The following CHST8 variants were observed in gnomAD, a reference collection of about 807,000 sequenced individuals.
CHST8 encodes the protein carbohydrate sulfotransferase 8, also known as GALNAC-4-ST1.
Under a neutral mutation model 15.0 loss-of-function variants are expected in CHST8, and 10 were observed. That is an observed-to-expected ratio of 0.67 (90% CI 0.41 to 1.13). CHST8 has a LOEUF of 1.13. Ranked by LOEUF, CHST8 falls within the 50% of genes most tolerant of loss-of-function variation. CHST8 has a pLI of 0.00. For missense variants in CHST8, 634 were observed against 608.2 expected (o/e 1.04, Z -0.45); for synonymous variants, 259 against 256.6 (o/e 1.01, Z -0.09).
chr19:33,668,176 G>T (rs1008999612), intron 2 of CHST8, among the ~76,000 whole-genome samples: 1 of 152,184 alleles, frequency 6.6e-6, no homozygotes, highest in African/African-American at 2.4e-5. Context: ...GTCTGCTATT[G>T]TATTTATTTG....
At chr19:33,708,689 C>T (rs1973490856) in intron 3 of CHST8, among the ~76,000 whole-genome samples, 1 of 152,134 alleles carries the variant, frequency 6.6e-6, no homozygotes, top group South Asian at 2.1e-4. Context: ...TTTTTCAAAA[C>T]CATTTTGGGT....
At chr19:33,729,296 C>T (rs997441034) in intron 3 of CHST8, among the ~76,000 whole-genome samples, 2 of 152,210 alleles carry the variant, frequency 1.3e-5, no homozygotes, top group Non-Finnish European at 2.9e-5. Flanking sequence ...GGATTGAGTC[C>T]GTCTCAGGCT....
At position 33,664,921 on chromosome 19, in the gene CHST8, A is replaced by T. The variant is rs542418773; in HGVS notation, c.-163-2846A>T. Among the ~76,000 whole-genome samples the T allele has an allele frequency of 2.3e-4, 35 of 152,324 alleles. No individual in the cohort carries two copies. In the South Asian group the frequency reaches 3.9e-3, roughly 17 times the overall value. ...AGTTCCATCCATGTTGCTGCAAATAACAAGATTTCATTCTTTTTAATGGCT... is the reference window on the plus strand; with the variant it reads ...AGTTCCATCCATGTTGCTGCAAATATCAAGATTTCATTCTTTTTAATGGCT... On this transcript the variant is annotated intron_variant, in intron 1 of 4. Coordinates refer to ENST00000650847, the MANE Select transcript of CHST8 (RefSeq NM_001127895.2).
intron 3 of CHST8, among the ~76,000 whole-genome samples, chr19:33,764,789 T>C (rs1974799685): frequency 6.6e-6 from 1 of 152,148 alleles, no homozygotes; most frequent in Admixed American, 6.5e-5. Context: ...GATGTACCCA[T>C]AACTGGAGCA....
intron 3 of CHST8, among the ~76,000 whole-genome samples, chr19:33,757,466 GAAAGAAAGAAAGAAAGAAAGAAA>G (rs1974591561): frequency 2.5e-5 from 1 of 39,648 alleles, no homozygotes; most frequent in Non-Finnish European, 5.1e-5. Context: ...AAGAAAGAAA[GAAAGAAAGAAAGAAAGAAAGAAA>G]GAAAGAAAGA....
At chr19:33,771,819 G>T in intron 4 of CHST8, 138 bp from the exon 5 acceptor site, 1 of 1,027,060 alleles carries the variant, frequency 9.7e-7, no homozygotes, top group African/African-American at 1.6e-5. Context: ...AGACCGGAGG[G>T]GTCTCACCTA....
At chr19:33,677,350 G>C (rs970269283) in intron 2 of CHST8, among the ~76,000 whole-genome samples, 2 of 152,204 alleles carry the variant, frequency 1.3e-5, no homozygotes, top group Non-Finnish European at 1.5e-5. Flanking sequence ...GAGGTTGAGC[G>C]ATGAGGGCAT....
intron 3 of CHST8, among the ~76,000 whole-genome samples, chr19:33,722,683 T>A (rs1333897061): frequency 6.6e-6 from 1 of 152,080 alleles, no homozygotes; most frequent in Non-Finnish European, 1.5e-5. Context: ...TGAATGGAGA[T>A]GAGGTTTCTG....
At chr19:33,671,025 A>T (rs1972729976) in intron 2 of CHST8, among the ~76,000 whole-genome samples, 1 of 152,198 alleles carries the variant, frequency 6.6e-6, no homozygotes, top group Admixed American at 6.5e-5. Context: ...TCCTTCTCCC[A>T]GTCATCACTG....
chr19:33,627,611 T>G (rs1252299583), intron 1 of CHST8, among the ~76,000 whole-genome samples: 1 of 152,194 alleles, frequency 6.6e-6, no homozygotes, highest in African/African-American at 2.4e-5. Context: ...TGCTGGTGAC[T>G]GAGGGCAAGA....
intron 3 of CHST8, among the ~76,000 whole-genome samples, chr19:33,706,135 T>G (rs538276860): frequency 6.6e-6 from 1 of 152,310 alleles, no homozygotes; most frequent in Admixed American, 6.5e-5. Flanking sequence ...TGAAGTCTTC[T>G]TGGTGACCGG....
chr19:33,751,010 A>G (rs1974407561), intron 3 of CHST8, among the ~76,000 whole-genome samples: 1 of 152,060 alleles, frequency 6.6e-6, no homozygotes, highest in African/African-American at 2.4e-5. Flanking sequence ...GGGAAGTTAC[A>G]AGCTCTCCTT....
chr19:33,662,505 A>G (rs1467411731), intron 1 of CHST8, among the ~76,000 whole-genome samples: 4 of 152,156 alleles, frequency 2.6e-5, no homozygotes, highest in Non-Finnish European at 4.4e-5. Context: ...CTTCCATGGC[A>G]CAGACCAGGG....
At chr19:33,732,631 G>A (rs932682819) in intron 3 of CHST8, among the ~76,000 whole-genome samples, 2 of 152,038 alleles carry the variant, frequency 1.3e-5, no homozygotes, top group African/African-American at 4.8e-5. Context: ...GGGTCTGGGA[G>A]GGTCCCAAAC....
At chr19:33,663,819 G>A (rs1419886268) in intron 1 of CHST8, among the ~76,000 whole-genome samples, 3 of 152,044 alleles carry the variant, frequency 2.0e-5, no homozygotes, top group Non-Finnish European at 2.9e-5. Context: ...GCAGTGAGCC[G>A]AGATCCTGCC....
At chr19:33,764,434 A>C (rs1484400166) in intron 3 of CHST8, among the ~76,000 whole-genome samples, 1 of 152,240 alleles carries the variant, frequency 6.6e-6, no homozygotes, top group African/African-American at 2.4e-5. Context: ...CAGGAGTTCA[A>C]GACTGCAGTG....
chr19:33,692,147 A>T (rs1038293328), intron 3 of CHST8, among the ~76,000 whole-genome samples: 5 of 119,370 alleles, frequency 4.2e-5, no homozygotes, highest in African/African-American at 1.6e-4. Flanking sequence ...CCACATTTTA[A>T]ACATTTTTTT....
At chr19:33,664,889 G>T (rs1350766092) in intron 1 of CHST8, among the ~76,000 whole-genome samples, 1 of 152,002 alleles carries the variant, frequency 6.6e-6, no homozygotes, top group Non-Finnish European at 1.5e-5. Flanking sequence ...TGGACATAAT[G>T]GTCTCCAGTT....
chr19:33,767,601 A>G (rs2145390970), intron 3 of CHST8, among the ~76,000 whole-genome samples: 1 of 152,368 alleles, frequency 6.6e-6, no homozygotes, highest in African/African-American at 2.4e-5. Context: ...CATGTGTTCC[A>G]GCCACTCCAC....
Sources: allele counts gnomAD v4.1 joint callset (sites outside exome capture counted in the v4.1 genomes callset), GRCh38; gene constraint gnomAD v4.1.1; transcripts MANE v1.5; gene names NCBI Gene and HGNC (gene_info 2026-07-23, HGNC 2026-07-21).